Variants in DLG2 observed in about 807,000 individuals in gnomAD.
DLG2 encodes disks large homolog 2.
A neutral mutation model predicts 132.5 loss-of-function variants in DLG2; 45 were observed. That is an observed-to-expected ratio of 0.34 (90% CI 0.27 to 0.44). DLG2 has a LOEUF of 0.44. DLG2 is among the 20% of genes least tolerant of loss of function. DLG2 has a pLI of 1.00. For synonymous variants in DLG2, 424 were observed against 419.6 expected, an observed-to-expected ratio of 1.01 and a Z score of -0.13; for missense variants, 1,045 against 1,196.9, an observed-to-expected ratio of 0.87 and a Z score of 1.87.
intron 6 of DLG2, among the ~76,000 whole-genome samples, chr11:84,820,028 G>A (rs1227899607): frequency 2.7e-5 from 4 of 150,112 alleles, no homozygotes; most frequent in African/African-American, 9.8e-5. Flanking sequence ...GGCCAGAGCA[G>A]CCCCTCATAC....
At chr11:85,241,250 C>G (rs935643528) in intron 4 of DLG2, among the ~76,000 whole-genome samples, 1 of 151,760 alleles carries the variant, frequency 6.6e-6, no homozygotes, top group East Asian at 1.9e-4. Context: ...TTATATCCAG[C>G]TTCCTGTTAA....
intron 3 of DLG2, among the ~76,000 whole-genome samples, chr11:85,376,866 G>A (rs986988041): frequency 2.6e-5 from 4 of 152,126 alleles, no homozygotes; most frequent in African/African-American, 9.7e-5. Flanking sequence ...AAAAGGAGAG[G>A]ACAACAGGAT....
chr11:84,967,920 C>G (rs2053557104), intron 6 of DLG2, among the ~76,000 whole-genome samples: 1 of 151,972 alleles, frequency 6.6e-6, no homozygotes, highest in African/African-American at 2.4e-5. Flanking sequence ...AGGTCCTGTT[C>G]TTCAGAATAA....
At chr11:85,222,105 AC>A (rs2074686136) in intron 4 of DLG2, among the ~76,000 whole-genome samples, 2 of 151,868 alleles carry the variant, frequency 1.3e-5, no homozygotes, top group African/African-American at 4.8e-5. Flanking sequence ...CACCGAGCTA[AC>A]ATTTCGGTTT....
intron 7 of DLG2, among the ~76,000 whole-genome samples, chr11:84,506,079 C>CGTTTTTTTTTT (rs2099238897): frequency 9.3e-6 from 1 of 107,024 alleles, no homozygotes; most frequent in African/African-American, 5.1e-5. Flanking sequence ...AGGCTCAGTT[C>CGTTTTTTTTTT]TTTTTTTTTT....
intron 15 of DLG2, among the ~76,000 whole-genome samples, chr11:83,916,836 T>C (rs1182145009): frequency 6.6e-6 from 1 of 152,118 alleles, no homozygotes; most frequent in African/African-American, 2.4e-5. Flanking sequence ...TTAGCTGAAA[T>C]TACAGGCTGG....
At position 85,027,062 on chromosome 11, in the gene DLG2, A is replaced by G. The variant is rs143257842; in HGVS notation, c.357+84599T>C. Among the ~76,000 whole-genome samples the G allele has an allele frequency of 2.1e-4, 32 of 151,930 alleles. No homozygotes were observed. The East Asian group carries it at 5.6e-3, about 27-fold the overall frequency. On this transcript the variant is annotated intron_variant, in intron 6 of 27. Coordinates refer to ENST00000376104, the MANE Select transcript of DLG2 (RefSeq NM_001142699.3). ...CAAATTACAGTTTGTCCACATTATA[A>G]AATAATAGGTGTCAGTCGCTAAAAG...
At chr11:83,462,794 A>C (rs2090281129) in intron 26 of DLG2, among the ~76,000 whole-genome samples, 1 of 152,232 alleles carries the variant, frequency 6.6e-6, no homozygotes, top group Non-Finnish European at 1.5e-5. Flanking sequence ...TACTCCAAAA[A>C]TTTGTACAAC....
chr11:84,641,303 A>G (rs1464308521), intron 6 of DLG2, among the ~76,000 whole-genome samples: 2 of 152,232 alleles, frequency 1.3e-5, no homozygotes, highest in Non-Finnish European at 2.9e-5. Context: ...TGAAGATGAC[A>G]TAAGTTAATT....
chr11:85,319,038 G>C (rs1308242203), intron 3 of DLG2, among the ~76,000 whole-genome samples: 3 of 151,988 alleles, frequency 2.0e-5, no homozygotes, highest in East Asian at 1.9e-4. Context: ...CAAATGCCTA[G>C]TTGCATTTAA....
At chr11:83,682,425 T>C in intron 18 of DLG2, 2 of 985,412 alleles carry the variant, frequency 2.0e-6, no homozygotes, top group Non-Finnish European at 2.4e-6. Context: ...CTGATAAATA[T>C]ATCAGCCTTA....
intron 14 of DLG2, among the ~76,000 whole-genome samples, chr11:83,937,954 A>G (rs1246178032): frequency 6.6e-6 from 1 of 152,174 alleles, no homozygotes; most frequent in African/African-American, 2.4e-5. Flanking sequence ...TGGTTCAGCA[A>G]TTCTACTCTA....
intron 6 of DLG2, among the ~76,000 whole-genome samples, chr11:84,823,268 C>A (rs944852176): frequency 6.6e-6 from 1 of 151,722 alleles, no homozygotes; most frequent in African/African-American, 2.4e-5. Context: ...AAATGACCTA[C>A]TAGTATTATA....
chr11:85,150,085 T>C (rs2077134026), intron 5 of DLG2, among the ~76,000 whole-genome samples: 1 of 142,620 alleles, frequency 7.0e-6, no homozygotes, highest in African/African-American at 2.7e-5. Flanking sequence ...AGTGGCTTAA[T>C]CTCAGCTCAC....
At chr11:83,876,462 A>G (rs2064815905) in intron 15 of DLG2, among the ~76,000 whole-genome samples, 1 of 152,152 alleles carries the variant, frequency 6.6e-6, no homozygotes, top group Admixed American at 6.6e-5. Flanking sequence ...TAAATTTACA[A>G]GCATATAAAA....
At chr11:84,960,439 CTTT>C (rs35143980) in intron 6 of DLG2, among the ~76,000 whole-genome samples, 1 of 145,026 alleles carries the variant, frequency 6.9e-6, no homozygotes, top group Non-Finnish European at 1.5e-5. Context: ...ATTCTTTTAA[CTTT>C]TTTTTTTTTT....
chr11:85,152,699 T>C (rs2152456421), intron 5 of DLG2, among the ~76,000 whole-genome samples: 1 of 152,326 alleles, frequency 6.6e-6, no homozygotes, highest in African/African-American at 2.4e-5. Context: ...ATAGTAAGTG[T>C]ATAAAGACAA....
intron 8 of DLG2, among the ~76,000 whole-genome samples, chr11:84,248,757 C>T (rs1358879065): frequency 6.6e-6 from 1 of 152,098 alleles, no homozygotes; most frequent in Non-Finnish European, 1.5e-5. Context: ...GTCCCAGCTA[C>T]TCGGGAGGCT....
At chr11:83,572,087 C>T (rs932556545) in intron 19 of DLG2, among the ~76,000 whole-genome samples, 3 of 151,844 alleles carry the variant, frequency 2.0e-5, no homozygotes, top group African/African-American at 7.3e-5. Flanking sequence ...AGTGGGTTAT[C>T]TTTGGCTTTA....
Sources: gnomAD v4.1 joint callset for allele counts (sites outside exome capture counted in the v4.1 genomes callset) on GRCh38, gnomAD v4.1.1 for gene constraint, MANE v1.5 for transcripts, NCBI Gene and HGNC (gene_info 2026-07-23, HGNC 2026-07-21) for gene names.